The following NKTR variants were observed in gnomAD, a reference collection of about 807,000 sequenced individuals.
NKTR encodes NK-tumor recognition protein.
Under a neutral mutation model 156.3 loss-of-function variants are expected in NKTR, and 67 were observed. That is an observed-to-expected ratio of 0.43 (90% confidence interval 0.35 to 0.53). NKTR has a LOEUF of 0.53. Ranked by LOEUF, NKTR falls within the 20% of genes least tolerant of loss-of-function variation. NKTR has a pLI of 0.01. For synonymous variants in NKTR, 640 were observed against 596.6 expected (o/e 1.07, Z -1.06); for missense variants, 1,604 against 1,730.9 (o/e 0.93, Z 1.30).
At chr3:42,621,195 T>C in intron 5 of NKTR, 1 of 1,123,078 alleles carries the variant, frequency 8.9e-7, no homozygotes, top group Non-Finnish European at 1.1e-6. Flanking sequence ...CTAAGGCTGT[T>C]TGTGTGAAGT....
chr3:42,603,200 C>CA (rs1471208287), intron 2 of NKTR: 31 of 144,344 alleles, frequency 2.1e-4, no homozygotes, highest in Non-Finnish European at 4.4e-4. Flanking sequence ...ACCCTGTCTA[C>CA]AAAAAACAAT....
Position 42,621,483 on chromosome 3 carries a change from G to A in NKTR, c.341G>A (p.Arg114Gln). The change falls in exon 6 of 17, where the codon CGA becomes CAA. Residue 114 changes from arginine to glutamine, a missense_variant. Physicochemically the swap from Arg to Gln is conservative, Grantham distance 43. Coordinates refer to ENST00000232978, the MANE Select transcript of NKTR (RefSeq NM_005385.4). ...GCGTTCCTTTTATCAATGGCAAATC[G>A]AGGGAAACATACCAATGGTTCCCAG... ...DRAFLLSMAN[R>Q]GKHTNGSQFF... 3.7e-6 allele frequency: 6 copies of A among 1,609,052 alleles called. No individual in the cohort carries two copies. Among genetic ancestry groups the A allele is most frequent in the Non-Finnish European group, 5.1e-6 (6 of 1,177,332 alleles).
At chr3:42,602,297 AC>A (rs1559544616) in intron 2 of NKTR, 1 of 152,200 alleles carries the variant, frequency 6.6e-6, no homozygotes, top group East Asian at 1.9e-4. Context: ...GAGCAAATAG[AC>A]TATATAGCTT....
Position 42,639,572 on chromosome 3 carries a change from A to C in NKTR, c.3868A>C (p.Arg1290=). The change falls in exon 13 of 17, where the codon AGA becomes CGA. Residue 1290 remains arginine (R), a synonymous_variant. Transcript: ENST00000232978. ...EVRKTARLNR[R]PRNQESSSDE... ...AAGAAAGACAGCACGCTTAAACCGT[A>C]GACCAAGAAATCAGGAGAGTTCAAG... 1.2e-6 allele frequency: 2 copies of C among 1,614,258 alleles called. No individual in the cohort carries two copies. The highest frequency in any genetic ancestry group is 1.7e-6 in the Non-Finnish European group (2 of 1,180,042).
At chr3:42,632,061 CTTTTTTTTTTTTTT>C (rs564114469) in intron 8 of NKTR, among the ~76,000 whole-genome samples, 1 of 86,496 alleles carries the variant, frequency 1.2e-5, no homozygotes, top group Non-Finnish European at 2.1e-5. Flanking sequence ...TTATGCAATT[CTTTTTTTTTTTTTT>C]TTTTTTTTTT....
chr3:42,633,668 C>G lies in NKTR; in HGVS notation c.862C>G (p.Pro288Ala). The part of the protein sequence containing the change: ...EKPVVRPEEI[P>A]PVPENRFLLR... ...ACCTGTGGTCCGCCCAGAAGAGATT[C>G]CTCCAGTGCCTGAGAACCGATTTTT... Residue 288 changes from proline (P) to alanine (A), a missense_variant, in exon 10 of 17, where the codon CCT becomes GCT. Physicochemically the swap from Pro to Ala is conservative, Grantham distance 27. Transcript: ENST00000232978. 1.9e-6 allele frequency: 3 copies of G among 1,614,102 alleles called. No homozygotes were observed. The highest frequency in any genetic ancestry group is 1.1e-5 in the South Asian group (1 of 91,066).
Position 42,636,975 on chromosome 3 carries a change from C to G in NKTR, c.1271C>G (p.Ser424Cys), listed in dbSNP as rs761395305. The stretch of plus-strand genomic sequence containing the variant: ...TCAGACCTTAGTACAGCAAGACACT[C>G]TGGCCACCATAAAAAACGCAGAAAA... Reference protein sequence around the residue: ...YYSDLSTARHSGHHKKRRKEK... With the variant: ...YYSDLSTARHCGHHKKRRKEK... The change falls in exon 13 of 17, where the codon TCT (serine) becomes TGT (cysteine). Residue 424 changes from serine to cysteine, a missense_variant. Physicochemically the swap from Ser to Cys is moderately radical, Grantham distance 112 (BLOSUM62 -1). Transcript: ENST00000232978. The G allele has an allele frequency of 4.3e-6, 7 of 1,612,764 alleles. No homozygotes were observed. The highest frequency in any genetic ancestry group is 1.7e-5 in the Admixed American group (1 of 59,660).
Position 42,637,079 on chromosome 3 carries a change from A to T in NKTR, c.1375A>T (p.Ile459Phe), listed in dbSNP as rs202238339. The stretch of plus-strand genomic sequence containing the variant: ...ACACAAACAAACAAAGAAGAGAAGG[A>T]TTCTTATACCGTCTGACATAGAATC... ...RRHKQTKKRR[I>F]LIPSDIESSK... Residue 459 changes from isoleucine to phenylalanine, a missense_variant, in exon 13 of 17, where the codon ATT becomes TTT. This residue lies in a region of NKTR where 1,255 missense variants were observed against 1,243.7 expected (regional missense o/e 1.01). Transcript: ENST00000232978. 29 of 1,605,122 alleles carry T rather than the reference A, an allele frequency of 1.8e-5. No individual in the cohort carries two copies. The highest frequency in any genetic ancestry group is 1.7e-4 in the Middle Eastern group (1 of 5,998).
At chr3:42,628,024 T>C (rs1708558984) in intron 6 of NKTR, 1 of 985,162 alleles carries the variant, frequency 1.0e-6, no homozygotes, top group South Asian at 4.7e-5. Context: ...ATGTCCTCTG[T>C]TCATCCACGT....
Position 42,636,882 on chromosome 3 carries a change from G to A in NKTR, c.1178G>A (p.Cys393Tyr). 3 of 1,569,274 alleles carry A rather than the reference G, an allele frequency of 1.9e-6. No homozygotes were observed. The highest frequency in any genetic ancestry group is 2.4e-5 in the South Asian group (2 of 83,018). Residue 393 changes from cysteine to tyrosine, a missense_variant, in exon 13 of 17, where the codon TGT becomes TAT. Transcript: ENST00000232978. ...WSKGDKLSDPCSSRWDERSLS... is the reference protein window; with the variant it reads ...WSKGDKLSDPYSSRWDERSLS... ...CCTTTCTATAGGTTAAGTGACCCCTGTTCAAGCCGATGGGATGAAAGAAGC... is the reference window on the plus strand; with the variant it reads ...CCTTTCTATAGGTTAAGTGACCCCTATTCAAGCCGATGGGATGAAAGAAGC...
intron 2 of NKTR, chr3:42,602,915 A>C (rs1705696171): frequency 6.6e-6 from 1 of 151,076 alleles, no homozygotes; most frequent in Non-Finnish European, 1.5e-5. Context: ...AGTCCCAGCT[A>C]TTTGGGAGGC....
intron 2 of NKTR, among the ~76,000 whole-genome samples, chr3:42,612,664 G>A (rs542270377): frequency 1.3e-5 from 2 of 152,110 alleles, no homozygotes; most frequent in African/African-American, 4.8e-5. Context: ...AGATATTTCA[G>A]GATAAAATGT....
rs200301493 is a variant in NKTR, at chr3:42,617,589, G to A, written c.78G>A (p.Gln26=). Residue 26 remains glutamine, a synonymous_variant, in exon 3 of 17, where the codon CAG becomes CAA. Coordinates refer to ENST00000232978, the MANE Select transcript of NKTR (RefSeq NM_005385.4). The part of the protein sequence containing the change: ...NREPVGRIMF[Q]LFSDICPKTC... ...TTTCAGTTGGTCGCATTATGTTTCA[G>A]CTCTTCTCAGACATATGTCCAAAAA... The A allele has an allele frequency of 6.4e-5, 102 of 1,599,510 alleles. No individual in the cohort carries two copies. The East Asian group carries it at 2.1e-3, about 33-fold the overall frequency.
At chr3:42,642,738 A>G (rs773631518) in intron 14 of NKTR, 142 bp downstream of exon 14, 32 of 650,156 alleles carry the variant, frequency 4.9e-5, no homozygotes, top group Admixed American at 1.5e-4. Context: ...AGTTTTTTCT[A>G]TGTAAGAGCT....
intron 7 of NKTR, 191 bp from the exon 8 acceptor site, chr3:42,630,980 C>T (rs1708846941): frequency 1.4e-6 from 2 of 1,411,446 alleles, no homozygotes; most frequent in Admixed American, 6.2e-5. Context: ...AACTGAGGCC[C>T]AGTTTGCATA....
chr3:42,600,935 C>T (rs1352945989), intron 1 of NKTR, 49 bp from the exon 2 acceptor site: 22 of 1,216,940 alleles, frequency 1.8e-5, no homozygotes, highest in East Asian at 3.1e-5. Context: ...CCTGCCCTCG[C>T]CCCCGCCCTC....
chr3:42,637,810 T>C lies in NKTR; in HGVS notation c.2106T>C (p.Tyr702=), dbSNP rs1012420268. 1.9e-6 allele frequency: 3 copies of C among 1,613,874 alleles called. No homozygotes were observed. Among genetic ancestry groups the C allele is most frequent in the Admixed American group, 1.7e-5 (1 of 60,000 alleles). ...GCAGATCTTCTAGGAGTAGATCTTATTCCAGATCATATACAAGATCACGTA... is the reference window on the plus strand; with the variant it reads ...GCAGATCTTCTAGGAGTAGATCTTACTCCAGATCATATACAAGATCACGTA... The part of the protein sequence containing the change: ...SRSRSSRSRS[Y]SRSYTRSRSL... Residue 702 remains tyrosine, a synonymous_variant, in exon 13 of 17, where the codon TAT becomes TAC. Transcript: ENST00000232978.
intron 16 of NKTR, 23 bp downstream of exon 16, chr3:42,644,026 C>G (rs1710147746): frequency 6.4e-7 from 1 of 1,563,842 alleles, no homozygotes; most frequent in Non-Finnish European, 8.8e-7. Context: ...CCTTTATCGT[C>G]CTTTATCGCA....
Position 42,600,774 on chromosome 3 carries a change from G to A in NKTR, c.-28G>A, listed in dbSNP as rs762343902. The A allele has an allele frequency of 8.1e-6, 3 of 369,762 alleles. No individual in the cohort carries two copies. Among genetic ancestry groups the A allele is most frequent in the East Asian group, 8.4e-5 (2 of 23,878 alleles). 22.9% of individuals were successfully genotyped at this position (369,762 alleles called of 1,614,324 possible). ...GGGGACCCGCTCAGGCTGGAGGCCA[G>A]CCAGGTGAAGAGCTCGCCCGCATGC... is the stretch of plus-strand genomic sequence containing the variant. On this transcript the variant is annotated 5_prime_UTR_variant, in exon 1 of 17. Transcript: ENST00000232978.
Sources: gnomAD v4.1 joint callset for allele counts (sites outside exome capture counted in the v4.1 genomes callset) on GRCh38, gnomAD v4.1.1 for gene constraint, gnomAD v4.1.1 regional missense constraint, MANE v1.5 for transcripts, NCBI Gene and HGNC (gene_info 2026-07-23, HGNC 2026-07-21) for gene names.